Variants in TBC1D5 observed in about 807,000 individuals in gnomAD.
The protein encoded by TBC1D5 is TBC1 domain family, member 5.
A neutral mutation model predicts 100.3 loss-of-function variants in TBC1D5; 75 were observed. The ratio of observed to expected loss-of-function variants is 0.75; its 90% CI spans 0.62 to 0.91. TBC1D5 has a LOEUF of 0.91. Among genes scored for constraint, TBC1D5 ranks in the 40% least tolerant of loss-of-function variants. The pLI, the probability that TBC1D5 is intolerant of heterozygous loss-of-function variation, is 0.00. For missense variants in TBC1D5, 910 were observed against 942.4 expected (o/e 0.97, Z 0.45); for synonymous variants, 323 against 325.6 (o/e 0.99, Z 0.09).
At chr3:17,710,847 G>T (rs766174064) in intron 1 of TBC1D5, among the ~76,000 whole-genome samples, 1 of 151,848 alleles carries the variant, frequency 6.6e-6, no homozygotes, top group African/African-American at 2.4e-5. Context: ...ACAGGCATGC[G>T]TCACCACGCC....
chr3:17,167,408 T>G (rs1297735982), intron 20 of TBC1D5, among the ~76,000 whole-genome samples: 5 of 152,194 alleles, frequency 3.3e-5, no homozygotes, highest in Admixed American at 6.5e-5. Context: ...AGGTACTAAT[T>G]ATGACTTGTG....
intron 1 of TBC1D5, chr3:17,706,235 A>C: frequency 6.5e-7 from 1 of 1,548,998 alleles, no homozygotes; most frequent in South Asian, 1.2e-5. Flanking sequence ...GGCGGCGGCC[A>C]CCACATTGAT....
At chr3:17,267,017 C>T (rs2078916488) in intron 15 of TBC1D5, among the ~76,000 whole-genome samples, 1 of 152,028 alleles carries the variant, frequency 6.6e-6, no homozygotes, top group Non-Finnish European at 1.5e-5. Flanking sequence ...ACTGAATAAA[C>T]CCAATTCCCT....
intron 1 of TBC1D5, among the ~76,000 whole-genome samples, chr3:17,647,786 T>C (rs1426020940): frequency 6.6e-6 from 1 of 152,156 alleles, no homozygotes; most frequent in Non-Finnish European, 1.5e-5. Flanking sequence ...GATCTGATAA[T>C]CATTACAAAA....
chr3:17,574,824 C>T (rs888674550), intron 2 of TBC1D5, among the ~76,000 whole-genome samples: 1 of 152,054 alleles, frequency 6.6e-6, no homozygotes, highest in Non-Finnish European at 1.5e-5. Flanking sequence ...ACTTCTGTTC[C>T]TATATATCAA....
intron 13 of TBC1D5, among the ~76,000 whole-genome samples, chr3:17,368,058 G>A (rs1470213835): frequency 1.3e-5 from 2 of 152,156 alleles, no homozygotes; most frequent in Non-Finnish European, 2.9e-5. Flanking sequence ...AATACAGGTA[G>A]TAAATTGATT....
At chr3:17,435,707 C>A (rs972212605) in intron 3 of TBC1D5, among the ~76,000 whole-genome samples, 4 of 152,094 alleles carry the variant, frequency 2.6e-5, no homozygotes, top group Non-Finnish European at 5.9e-5. Context: ...CAGATGCCTG[C>A]GGCAAAAGAC....
At chr3:17,673,450 A>T (rs1447983989) in intron 1 of TBC1D5, among the ~76,000 whole-genome samples, 1 of 151,108 alleles carries the variant, frequency 6.6e-6, no homozygotes. Context: ...ACCTGAGACT[A>T]CAGGCATGTG....
chr3:17,565,697 AG>A (rs1465372596), intron 2 of TBC1D5, among the ~76,000 whole-genome samples: 1 of 152,102 alleles, frequency 6.6e-6, no homozygotes, highest in East Asian at 1.9e-4. Flanking sequence ...TCCTTTATAA[AG>A]GATAACTTTT....
intron 17 of TBC1D5, among the ~76,000 whole-genome samples, chr3:17,230,346 T>C (rs1439580926): frequency 1.3e-5 from 2 of 152,188 alleles, no homozygotes; most frequent in African/African-American, 2.4e-5. Context: ...TCTTACCACA[T>C]TAATGTGACT....
Position 17,278,733 on chromosome 3 carries a change from C to G in TBC1D5, c.1245+13162G>C, listed in dbSNP as rs939591656. ...GTATGGTATTCATTTTGTAACCCAC[C>G]AATTATGCCAAGGTTTTTGTTAAAA... On this transcript the variant is annotated intron_variant, in intron 15 of 21. Transcript: ENST00000253692. Among the ~76,000 whole-genome samples the G allele has an allele frequency of 6.6e-5, 10 of 152,274 alleles. 1 individual carries two copies. The South Asian group carries it at 1.9e-3, about 28-fold the overall frequency.
exon 22 of TBC1D5, chr3:17,161,225 C>G: frequency 6.2e-7 from 1 of 1,613,924 alleles, no homozygotes; most frequent in Non-Finnish European, 8.5e-7. Flanking sequence ...GGAATTCCCT[C>G]TATCAGTGCA....
At chr3:17,414,199 T>TA in intron 4 of TBC1D5, among the ~76,000 whole-genome samples, 1 of 152,170 alleles carries the variant, frequency 6.6e-6, no homozygotes, top group Non-Finnish European at 1.5e-5. Context: ...AAGCAGGATT[T>TA]AAGTAGGATT....
chr3:17,344,860 C>A (rs1224186393), intron 13 of TBC1D5, among the ~76,000 whole-genome samples: 1 of 152,088 alleles, frequency 6.6e-6, no homozygotes, highest in East Asian at 1.9e-4. Context: ...AACTGGCTAG[C>A]CATATGTAGA....
chr3:17,508,588 G>T, exon 3 of TBC1D5: 1 of 1,574,854 alleles, frequency 6.3e-7, no homozygotes, highest in South Asian at 1.1e-5. Context: ...ACTGGACAGC[G>T]TCACCAAAAG....
chr3:17,246,633 A>G (rs1272906247), intron 16 of TBC1D5, among the ~76,000 whole-genome samples: 5 of 152,236 alleles, frequency 3.3e-5, no homozygotes, highest in Admixed American at 3.3e-4. Context: ...AATTTAATTC[A>G]GTAGAGAAAG....
intron 2 of TBC1D5, among the ~76,000 whole-genome samples, chr3:17,546,527 G>T (rs1369905821): frequency 1.3e-5 from 2 of 151,988 alleles, no homozygotes; most frequent in Non-Finnish European, 2.9e-5. Context: ...ACTTTGGGAG[G>T]CTGAGGCGGG....
At chr3:17,346,688 C>T (rs2089925315) in intron 13 of TBC1D5, among the ~76,000 whole-genome samples, 1 of 152,118 alleles carries the variant, frequency 6.6e-6, no homozygotes, top group Non-Finnish European at 1.5e-5. Context: ...TACATTTTTC[C>T]TAGCTTTTTA....
chr3:17,650,641 G>C (rs534171280), intron 1 of TBC1D5, among the ~76,000 whole-genome samples: 48 of 152,210 alleles, frequency 3.2e-4, no homozygotes, highest in Non-Finnish European at 5.6e-4. Flanking sequence ...CCCAAGGCAG[G>C]GCTTTCACAT....
Sources: gnomAD v4.1 joint callset for allele counts (sites outside exome capture counted in the v4.1 genomes callset) on GRCh38, gnomAD v4.1.1 for gene constraint, MANE v1.5 for transcripts, NCBI Gene and HGNC (gene_info 2026-07-23, HGNC 2026-07-21) for gene names.